The following EGFLAM variants were observed in gnomAD, a reference collection of about 807,000 sequenced individuals.
The protein encoded by EGFLAM is pikachurin.
In EGFLAM, 79 loss-of-function variants were observed where a neutral mutation model predicts 113.1. That is an observed-to-expected ratio of 0.70 (90% CI 0.58 to 0.84). The LOEUF (loss-of-function observed/expected upper bound fraction) is 0.84. EGFLAM is among the 40% of genes least tolerant of loss of function. The pLI is 0.00. For synonymous variants in EGFLAM, 504 were observed against 487.6 expected (o/e 1.03, Z -0.44); for missense variants, 1,265 against 1,291.6 (o/e 0.98, Z 0.32).
chr5:38,441,384 C>G (rs1286479270), intron 17 of EGFLAM, among the ~76,000 whole-genome samples: 1 of 152,170 alleles, frequency 6.6e-6, no homozygotes. Context: ...CCTAGGCCCC[C>G]TTTTTTCTCA....
intron 17 of EGFLAM, among the ~76,000 whole-genome samples, chr5:38,444,816 A>G (rs532604972): frequency 3.9e-5 from 6 of 152,270 alleles, no homozygotes; most frequent in African/African-American, 1.4e-4. Context: ...ATGATGGCAC[A>G]TGCCTATAGT....
Position 38,444,271 on chromosome 5 carries a change from G to GA in EGFLAM, c.2465-4024dup, listed in dbSNP as rs1458300694. 2.0e-5 allele frequency among the ~76,000 whole-genome samples: 3 copies of GA among 152,242 alleles called. No homozygotes were observed. The South Asian group carries it at 6.2e-4, about 32-fold the overall frequency. ...ACTAATCAGTGAGGCCATTGCCACA[G>GA]AAAAAAGGCAATGTAGAAAAAATTA... On this transcript the variant is annotated intron_variant, in intron 17 of 21. Coordinates refer to ENST00000322350, the MANE Select transcript of EGFLAM (RefSeq NM_152403.4).
At chr5:38,448,430 CTA>C (rs1476304029) in intron 18 of EGFLAM, 51 bp downstream of exon 18, 1 of 1,569,380 alleles carries the variant, frequency 6.4e-7, no homozygotes, top group Non-Finnish European at 8.8e-7. Flanking sequence ...GTAAATTTCT[CTA>C]TATCTTTCTC....
At chr5:38,411,215 G>T in intron 10 of EGFLAM, among the ~76,000 whole-genome samples, 1 of 152,102 alleles carries the variant, frequency 6.6e-6, no homozygotes, top group East Asian at 1.9e-4. Context: ...GGATCACGAG[G>T]TCAGGAGATC....
intron 1 of EGFLAM, among the ~76,000 whole-genome samples, chr5:38,276,910 G>A (rs1441673214): frequency 1.3e-5 from 2 of 152,136 alleles, no homozygotes; most frequent in East Asian, 3.8e-4. Flanking sequence ...AGGAGATTGA[G>A]TCAGTAATCA....
intron 1 of EGFLAM, chr5:38,282,211 T>A (rs566608079): frequency 6.6e-6 from 1 of 152,340 alleles, no homozygotes; most frequent in South Asian, 2.1e-4. Context: ...ATTAATTAGG[T>A]CACCTCCATT....
intron 5 of EGFLAM, among the ~76,000 whole-genome samples, chr5:38,365,842 G>A (rs1265005552): frequency 6.6e-6 from 1 of 152,098 alleles, no homozygotes; most frequent in African/African-American, 2.4e-5. Flanking sequence ...ACTGAATTAA[G>A]TAGCTCCCAC....
chr5:38,359,888 T>C (rs1739875101), intron 5 of EGFLAM, among the ~76,000 whole-genome samples: 1 of 152,188 alleles, frequency 6.6e-6, no homozygotes, highest in Admixed American at 6.5e-5. Flanking sequence ...GCAGATGCCT[T>C]CCATAATAAG....
chr5:38,258,714 C>T lies in EGFLAM; in HGVS notation c.-41C>T, dbSNP rs772689689. Reference sequence around the variant, plus strand: ...CCCCCGGAGACGCCCTTTCCGTGTGCGCCCGGGACTTGGTGAAACTTTGCA... The same window carrying T: ...CCCCCGGAGACGCCCTTTCCGTGTGTGCCCGGGACTTGGTGAAACTTTGCA... On this transcript the variant is annotated 5_prime_UTR_variant, in exon 1 of 22. Coordinates refer to ENST00000322350, the MANE Select transcript of EGFLAM (RefSeq NM_152403.4). 1.3e-6 allele frequency: 2 copies of T among 1,575,722 alleles called. No homozygotes were observed. Among genetic ancestry groups the T allele is most frequent in the African/African-American group, 2.7e-5 (2 of 73,922 alleles).
rs376512161 is a variant in EGFLAM at position 38,333,854 on chromosome 5, CTT to C, written c.98-3664_98-3663del. ...CTTTTGTTGTGATTGCTTTTGGTGT[CTT>C]TGTCATGAAATCTTTTGGTCCACTT... On this transcript the variant is annotated intron_variant, in intron 1 of 21. Transcript: ENST00000322350. Among the ~76,000 whole-genome samples, 270 of 129,678 alleles carry C rather than the reference CTT, an allele frequency of 2.1e-3. 1 individual carries two copies. The highest frequency in any genetic ancestry group is 8.0e-3 in the African/African-American group (262 of 32,832). 85.1% of individuals were successfully genotyped at this position (129,678 alleles called of 152,430 possible).
At chr5:38,381,915 T>C (rs561655535) in intron 6 of EGFLAM, among the ~76,000 whole-genome samples, 24 of 152,164 alleles carry the variant, frequency 1.6e-4, no homozygotes, top group Non-Finnish European at 3.1e-4. Flanking sequence ...AGATTCCTTT[T>C]GTCTAAAGAT....
chr5:38,334,956 C>T (rs1395290869), intron 1 of EGFLAM, among the ~76,000 whole-genome samples: 2 of 152,076 alleles, frequency 1.3e-5, no homozygotes, highest in Non-Finnish European at 2.9e-5. Context: ...GTTTTCACGA[C>T]GGGTTGGGGA....
intron 17 of EGFLAM, among the ~76,000 whole-genome samples, chr5:38,438,939 C>T (rs1414076769): frequency 3.3e-5 from 5 of 152,200 alleles, no homozygotes; most frequent in Non-Finnish European, 7.3e-5. Flanking sequence ...CTAAAGTATG[C>T]ATAACCTTCT....
At chr5:38,275,485 A>G (rs1455381786) in intron 1 of EGFLAM, among the ~76,000 whole-genome samples, 2 of 152,266 alleles carry the variant, frequency 1.3e-5, no homozygotes, top group African/African-American at 4.8e-5. Context: ...AGGTCGGTAT[A>G]TAATGATAAA....
chr5:38,451,518 C>T (rs1203048046), intron 19 of EGFLAM, 60 bp downstream of exon 19: 6 of 1,584,042 alleles, frequency 3.8e-6, no homozygotes, highest in Non-Finnish European at 2.6e-6. Context: ...CATTGCAGAT[C>T]ATGCCAGAGT....
intron 10 of EGFLAM, among the ~76,000 whole-genome samples, chr5:38,411,542 G>A (rs1272895940): frequency 6.9e-6 from 1 of 145,742 alleles, no homozygotes; most frequent in Non-Finnish European, 1.5e-5. Context: ...GAGTGCAGTG[G>A]TGCAATCTGG....
intron 14 of EGFLAM, among the ~76,000 whole-genome samples, chr5:38,428,001 T>C (rs1742072088): frequency 6.6e-6 from 1 of 152,224 alleles, no homozygotes; most frequent in South Asian, 2.1e-4. Context: ...TATTTGTTTA[T>C]GTCTCCCATC....
intron 1 of EGFLAM, among the ~76,000 whole-genome samples, chr5:38,334,107 A>G (rs1579785264): frequency 6.6e-6 from 1 of 151,830 alleles, no homozygotes; most frequent in East Asian, 1.9e-4. Context: ...TATCTTTAGT[A>G]GAGATGGGGT....
chr5:38,304,145 A>G (rs1758667259), intron 1 of EGFLAM, among the ~76,000 whole-genome samples: 1 of 151,780 alleles, frequency 6.6e-6, no homozygotes, highest in South Asian at 2.1e-4. Flanking sequence ...AAAAAAAGAA[A>G]GAAAGAAAAC....
Sources: gnomAD v4.1 joint callset for allele counts (sites outside exome capture counted in the v4.1 genomes callset) on GRCh38, gnomAD v4.1.1 for gene constraint, MANE v1.5 for transcripts, NCBI Gene and HGNC (gene_info 2026-07-23, HGNC 2026-07-21) for gene names.